Variants in PSD3 observed in about 807,000 individuals in gnomAD.
The protein encoded by PSD3 is pleckstrin and Sec7 domain containing 3, also known as PH and SEC7 domain-containing protein 3.
Under a neutral mutation model 105.5 loss-of-function variants are expected in PSD3, and 49 were observed. That is an observed-to-expected ratio of 0.46 (90% CI 0.37 to 0.59). The LOEUF (loss-of-function observed/expected upper bound fraction) is 0.59. Ranked by LOEUF, PSD3 falls within the 20% of genes least tolerant of loss-of-function variation. The pLI is 0.00. For synonymous variants in PSD3, 557 were observed against 457.8 expected, an observed-to-expected ratio of 1.22 and a Z score of -2.77; for missense variants, 1,561 against 1,263.8, an observed-to-expected ratio of 1.24 and a Z score of -3.57.
intron 9 of PSD3, among the ~76,000 whole-genome samples, chr8:18,709,710 G>C (rs763729381): frequency 2.0e-5 from 3 of 152,202 alleles, no homozygotes; most frequent in Admixed American, 1.3e-4. Flanking sequence ...GTACCCAGGT[G>C]AATAGGGTGT....
intron 1 of PSD3, among the ~76,000 whole-genome samples, chr8:18,941,281 G>A (rs77657543): frequency 5.3e-5 from 8 of 152,094 alleles, no homozygotes; most frequent in African/African-American, 9.7e-5. Flanking sequence ...ATAGTACCAC[G>A]CAGTCTCACA....
At chr8:18,849,467 T>C (rs1815392733) in intron 4 of PSD3, 1 of 152,242 alleles carries the variant, frequency 6.6e-6, no homozygotes, top group Non-Finnish European at 1.5e-5. Flanking sequence ...ATTTTTATGC[T>C]AACAGCACTT....
intron 11 of PSD3, among the ~76,000 whole-genome samples, chr8:18,621,998 T>C (rs553641529): frequency 1.3e-5 from 2 of 152,326 alleles, no homozygotes; most frequent in South Asian, 2.1e-4. Flanking sequence ...CTAAATTTTC[T>C]AAACTTTTGA....
At chr8:18,702,625 T>G (rs906619146) in intron 9 of PSD3, among the ~76,000 whole-genome samples, 6 of 152,110 alleles carry the variant, frequency 3.9e-5, no homozygotes, top group Non-Finnish European at 5.9e-5. Context: ...CTTTCTTTCT[T>G]TTTTTGAGAT....
intron 1 of PSD3, among the ~76,000 whole-genome samples, chr8:19,047,227 G>A (rs1193295913): frequency 6.6e-6 from 1 of 152,162 alleles, no homozygotes; most frequent in Non-Finnish European, 1.5e-5. Flanking sequence ...TGATTTGCAA[G>A]CCTGGAGGTC....
At chr8:18,626,300 C>A (rs187568866) in intron 11 of PSD3, among the ~76,000 whole-genome samples, 22 of 151,778 alleles carry the variant, frequency 1.4e-4, no homozygotes, top group African/African-American at 5.1e-4. Context: ...CCATTTGAGA[C>A]AAGTGTATCA....
intron 9 of PSD3, among the ~76,000 whole-genome samples, chr8:18,701,260 G>A (rs1051225295): frequency 6.6e-6 from 1 of 151,770 alleles, no homozygotes; most frequent in African/African-American, 2.4e-5. Flanking sequence ...GCAAGTCACT[G>A]TGACTGGCCA....
intron 2 of PSD3, among the ~76,000 whole-genome samples, chr8:18,910,235 C>T (rs1460599974): frequency 6.7e-6 from 1 of 149,002 alleles, no homozygotes; most frequent in Non-Finnish European, 1.5e-5. Context: ...TTGGAACCAA[C>T]TCAAATGTCC....
At chr8:18,552,446 T>C (rs1479873371) in intron 15 of PSD3, among the ~76,000 whole-genome samples, 2 of 152,212 alleles carry the variant, frequency 1.3e-5, no homozygotes, top group African/African-American at 4.8e-5. Context: ...TAGGGCCAAC[T>C]GCATTGCTGT....
chr8:18,582,854 C>A (rs536749676), intron 12 of PSD3, among the ~76,000 whole-genome samples: 2 of 139,464 alleles, frequency 1.4e-5, no homozygotes, highest in African/African-American at 2.9e-5. Context: ...GAGACAGAGT[C>A]TCGCTCTGTC....
chr8:18,651,253 G>A (rs1232332381), intron 10 of PSD3, among the ~76,000 whole-genome samples: 1 of 152,152 alleles, frequency 6.6e-6, no homozygotes, highest in Non-Finnish European at 1.5e-5. Flanking sequence ...ACTGAACCCA[G>A]TCAGAAAACC....
intron 1 of PSD3, among the ~76,000 whole-genome samples, chr8:19,008,227 C>A (rs1441657398): frequency 2.0e-5 from 3 of 151,722 alleles, no homozygotes; most frequent in East Asian, 1.9e-4. Flanking sequence ...AGAAATGAAT[C>A]GGCGAAACAT....
chr8:18,545,000 T>G lies in PSD3; in HGVS notation c.2929-9042A>C, dbSNP rs898498621. Among the ~76,000 whole-genome samples the G allele has an allele frequency of 1.5e-4, 23 of 152,152 alleles. 1 individual carries two copies. On this transcript the variant is annotated intron_variant, in intron 15 of 15. Coordinates refer to ENST00000327040, the MANE Select transcript of PSD3 (RefSeq NM_015310.4). The stretch of plus-strand genomic sequence containing the variant: ...GGAGTAGAAAGCAGGTGCTTTTACC[T>G]TTGAATAACAACACTGTTGTCTTTG...
At chr8:18,819,459 C>G (rs1227687427) in intron 4 of PSD3, among the ~76,000 whole-genome samples, 1 of 151,938 alleles carries the variant, frequency 6.6e-6, no homozygotes, top group Non-Finnish European at 1.5e-5. Context: ...CTGAACCTCT[C>G]CAGAGGGATA....
chr8:19,053,525 G>A (rs1171355261), intron 1 of PSD3, among the ~76,000 whole-genome samples: 1 of 152,144 alleles, frequency 6.6e-6, no homozygotes, highest in African/African-American at 2.4e-5. Flanking sequence ...CAGGCCGGGT[G>A]TGGTGGCTCA....
At chr8:18,615,838 G>A (rs1157419752) in intron 11 of PSD3, among the ~76,000 whole-genome samples, 2 of 152,126 alleles carry the variant, frequency 1.3e-5, no homozygotes, top group East Asian at 1.9e-4. Flanking sequence ...AGGACAGAGC[G>A]AAGACCCTGC....
chr8:18,619,179 A>T (rs1182137664), intron 11 of PSD3, among the ~76,000 whole-genome samples: 2 of 152,192 alleles, frequency 1.3e-5, no homozygotes, highest in African/African-American at 4.8e-5. Flanking sequence ...TGACCAAAAG[A>T]AACCTAAAAA....
chr8:18,949,936 A>C (rs1405889198), intron 1 of PSD3, among the ~76,000 whole-genome samples: 1 of 152,194 alleles, frequency 6.6e-6, no homozygotes, highest in Non-Finnish European at 1.5e-5. Flanking sequence ...ATGGGTGCTT[A>C]ATACTCCTGT....
At chr8:18,987,173 G>A (rs1017748837) in intron 1 of PSD3, among the ~76,000 whole-genome samples, 1 of 151,768 alleles carries the variant, frequency 6.6e-6, no homozygotes, top group Admixed American at 6.6e-5. Flanking sequence ...AACACTCACG[G>A]TATTATTTAT....
Sources: allele counts gnomAD v4.1 joint callset (sites outside exome capture counted in the v4.1 genomes callset), GRCh38; gene constraint gnomAD v4.1.1; transcripts MANE v1.5; gene names NCBI Gene and HGNC (gene_info 2026-07-23, HGNC 2026-07-21).